Variants in CERS6 observed in about 807,000 individuals in gnomAD.
CERS6 encodes LAG1 homolog, ceramide synthase 6.
CERS6 carries 26 observed loss-of-function variants against 56.8 expected under a neutral mutation model. That is an observed-to-expected ratio of 0.46 (90% CI 0.34 to 0.63). The LOEUF (loss-of-function observed/expected upper bound fraction) is 0.63, where lower values mean the gene tolerates loss of function less well. Ranked by LOEUF, CERS6 falls within the 30% of genes least tolerant of loss-of-function variation. CERS6 has a pLI of 0.01. For synonymous variants in CERS6, 164 were observed against 173.3 expected, an observed-to-expected ratio of 0.95 and a Z score of 0.42; for missense variants, 415 against 467.5, an observed-to-expected ratio of 0.89 and a Z score of 1.04.
At chr2:168,545,358 G>A (rs1463777413) in intron 1 of CERS6, among the ~76,000 whole-genome samples, 1 of 152,082 alleles carries the variant, frequency 6.6e-6, no homozygotes, top group Non-Finnish European at 1.5e-5. Context: ...TTTGATTATT[G>A]AAATTTGATA....
intron 9 of CERS6, chr2:168,766,489 G>A: frequency 1.3e-6 from 1 of 756,420 alleles, no homozygotes; most frequent in Non-Finnish European, 2.3e-6. Context: ...CTGTAGCTCT[G>A]TGAACTGCAA....
intron 1 of CERS6, among the ~76,000 whole-genome samples, chr2:168,486,525 T>G (rs1235293032): frequency 1.8e-5 from 2 of 112,690 alleles, no homozygotes; most frequent in Non-Finnish European, 4.0e-5. Context: ...TTTGGTTTTG[T>G]TTTTTTTTTT....
intron 2 of CERS6, among the ~76,000 whole-genome samples, chr2:168,548,764 A>T (rs1323476854): frequency 6.6e-6 from 1 of 152,182 alleles, no homozygotes; most frequent in African/African-American, 2.4e-5. Flanking sequence ...TTCTTCCAAA[A>T]TTCTCTAGAG....
chr2:168,499,123 G>T (rs932026282), intron 1 of CERS6, among the ~76,000 whole-genome samples: 2 of 152,148 alleles, frequency 1.3e-5, no homozygotes, highest in Non-Finnish European at 2.9e-5. Context: ...TTGGCTACCT[G>T]CCCCAGGTCC....
At chr2:168,641,685 G>A (rs529684531) in intron 4 of CERS6, among the ~76,000 whole-genome samples, 12 of 152,232 alleles carry the variant, frequency 7.9e-5, no homozygotes, top group African/African-American at 2.2e-4. Context: ...CCTGAGCCAC[G>A]AGAGGTGTTC....
intron 2 of CERS6, among the ~76,000 whole-genome samples, chr2:168,554,719 A>G (rs1197677635): frequency 6.6e-6 from 1 of 152,342 alleles, no homozygotes; most frequent in East Asian, 1.9e-4. Context: ...CAGTCATGAA[A>G]AAAGTATGTG....
At chr2:168,697,593 G>T (rs899279957) in intron 6 of CERS6, among the ~76,000 whole-genome samples, 1 of 148,932 alleles carries the variant, frequency 6.7e-6, no homozygotes, top group African/African-American at 2.5e-5. Flanking sequence ...GATGCACAGA[G>T]TGAGTTTATG....
intron 8 of CERS6, among the ~76,000 whole-genome samples, chr2:168,741,000 A>T (rs562774870): frequency 6.6e-6 from 1 of 152,160 alleles, no homozygotes; most frequent in African/African-American, 2.4e-5. Flanking sequence ...TAAAGGAGAT[A>T]GAGGTAGAGA....
chr2:168,707,818 T>C (rs922771033), intron 6 of CERS6, among the ~76,000 whole-genome samples: 6 of 152,164 alleles, frequency 3.9e-5, no homozygotes, highest in African/African-American at 1.4e-4. Flanking sequence ...CCCTACACAA[T>C]TTTTTAGTCC....
chr2:168,765,955 G>C (rs1246099468), intron 9 of CERS6, among the ~76,000 whole-genome samples: 1 of 152,076 alleles, frequency 6.6e-6, no homozygotes, highest in East Asian at 1.9e-4. Context: ...ATATGCATTT[G>C]TAATTTTAGA....
intron 3 of CERS6, among the ~76,000 whole-genome samples, chr2:168,561,837 G>A (rs1695795306): frequency 6.6e-6 from 1 of 152,152 alleles, no homozygotes; most frequent in Non-Finnish European, 1.5e-5. Context: ...TTCCATCTCT[G>A]AAATGTGAAC....
rs1693678768 is a variant in CERS6, at chr2:168,456,979, C to T, written c.170+361C>T. Reference sequence around the variant, plus strand: ...CGGGGCTCGCCCCTCTCCGCCGGCGCGCCACGCAAGGCTGCCAGGCAGGGC... The same window carrying T: ...CGGGGCTCGCCCCTCTCCGCCGGCGTGCCACGCAAGGCTGCCAGGCAGGGC... On this transcript the variant is annotated intron_variant, in intron 1 of 9. Coordinates refer to ENST00000305747, the MANE Select transcript of CERS6 (RefSeq NM_203463.3). This position sits in a 1 kb window ranked among gnomAD's most constrained non-coding sequence, Gnocchi z 4.1. Among the ~76,000 whole-genome samples, 1 of 152,196 alleles carries T rather than the reference C, an allele frequency of 6.6e-6. No individual in the cohort carries two copies. The highest frequency in any genetic ancestry group is 1.5e-5 in the Non-Finnish European group (1 of 68,020).
intron 1 of CERS6, among the ~76,000 whole-genome samples, chr2:168,505,665 T>G (rs1694664796): frequency 6.6e-6 from 1 of 152,182 alleles, no homozygotes. Flanking sequence ...GGGCTCAGAC[T>G]GTTCAATTAT....
At chr2:168,574,126 A>G (rs561091896) in intron 3 of CERS6, among the ~76,000 whole-genome samples, 1 of 152,294 alleles carries the variant, frequency 6.6e-6, no homozygotes, top group African/African-American at 2.4e-5. Flanking sequence ...AGTCGGGGAA[A>G]TGTGTCCAAC....
intron 3 of CERS6, among the ~76,000 whole-genome samples, chr2:168,591,029 G>T (rs1321832542): frequency 6.6e-6 from 1 of 152,054 alleles, no homozygotes; most frequent in East Asian, 1.9e-4. Context: ...ATATAATATT[G>T]CATCTATTGG....
chr2:168,550,097 A>T (rs1574059118), intron 2 of CERS6, among the ~76,000 whole-genome samples: 1 of 152,228 alleles, frequency 6.6e-6, no homozygotes, highest in Non-Finnish European at 1.5e-5. Context: ...GCACAAAAAA[A>T]GTGCCATTAA....
rs369325514 is a variant in CERS6, at chr2:168,663,716, A to C, written c.466-27318A>C. Among the ~76,000 whole-genome samples the C allele has an allele frequency of 9.6e-4, 146 of 152,312 alleles. No individual in the cohort carries two copies. In the Middle Eastern group the frequency reaches 0.01, roughly 11 times the overall value. ...ATATTTTTCAACAGTTACATAAAAA[A>C]CATTATGTAGATCCACCGTAGGTAT... On this transcript the variant is annotated intron_variant, in intron 4 of 9. Coordinates refer to ENST00000305747, the MANE Select transcript of CERS6 (RefSeq NM_203463.3).
At chr2:168,711,578 A>G (rs1687090438) in intron 6 of CERS6, among the ~76,000 whole-genome samples, 3 of 152,026 alleles carry the variant, frequency 2.0e-5, no homozygotes, top group African/African-American at 4.8e-5. Flanking sequence ...AACCGAAAAT[A>G]CAAAAATTAG....
At chr2:168,713,392 T>C (rs1687143058) in intron 6 of CERS6, among the ~76,000 whole-genome samples, 1 of 152,128 alleles carries the variant, frequency 6.6e-6, no homozygotes, top group Admixed American at 6.5e-5. Context: ...AGGCTTCAAA[T>C]AGAGCAACAT....
Sources: gnomAD v4.1 joint callset for allele counts (sites outside exome capture counted in the v4.1 genomes callset) on GRCh38, gnomAD v4.1.1 for gene constraint, Gnocchi (gnomAD v3.1) non-coding constraint, MANE v1.5 for transcripts, NCBI Gene and HGNC (gene_info 2026-07-23, HGNC 2026-07-21) for gene names.